The following RAD51B variants were observed in gnomAD, a reference collection of about 807,000 sequenced individuals.
RAD51B encodes RAD51 paralog B.
RAD51B carries 38 observed loss-of-function variants against 42.2 expected under a neutral mutation model. That is an observed-to-expected ratio of 0.90 (90% confidence interval 0.70 to 1.18). RAD51B has a LOEUF of 1.18. RAD51B is among the 50% of genes most tolerant of loss of function. The probability of loss-of-function intolerance (pLI) is 0.00; values close to 1 mark genes in which losing one functional copy is unlikely to be tolerated. For synonymous variants in RAD51B, 154 were observed against 145.2 expected, an observed-to-expected ratio of 1.06 and a Z score of -0.43; for missense variants, 373 against 400.7, an observed-to-expected ratio of 0.93 and a Z score of 0.59.
intron 5 of RAD51B, among the ~76,000 whole-genome samples, chr14:67,867,544 T>G (rs1208408275): frequency 6.6e-6 from 1 of 152,228 alleles, no homozygotes; most frequent in Non-Finnish European, 1.5e-5. Flanking sequence ...TGGATTTCCT[T>G]TTTGTTGCCT....
chr14:68,349,083 A>G (rs979156257), intron 8 of RAD51B, among the ~76,000 whole-genome samples: 6 of 152,230 alleles, frequency 3.9e-5, no homozygotes, highest in African/African-American at 1.4e-4. Flanking sequence ...AACTTTGTTT[A>G]TGAACACTGA....
exon 11 of RAD51B, chr14:68,595,688 G>A (rs1890964631): frequency 8.6e-6 from 8 of 931,408 alleles, no homozygotes; most frequent in Non-Finnish European, 1.1e-5. Context: ...TATGGTATTG[G>A]TTAAATTAAC....
intron 11 of RAD51B, among the ~76,000 whole-genome samples, chr14:68,659,023 A>G (rs927076702): frequency 6.6e-6 from 1 of 152,328 alleles, no homozygotes; most frequent in Middle Eastern, 3.4e-3. Flanking sequence ...TCTCTCCTCC[A>G]TAACATGCCA....
At chr14:68,653,294 A>G (rs1892738912) in intron 11 of RAD51B, among the ~76,000 whole-genome samples, 1 of 152,228 alleles carries the variant, frequency 6.6e-6, no homozygotes, top group Non-Finnish European at 1.5e-5. Context: ...TGGAGACTGT[A>G]GCGTACTATG....
At chr14:67,909,033 G>A (rs1318209241) in intron 7 of RAD51B, among the ~76,000 whole-genome samples, 2 of 152,084 alleles carry the variant, frequency 1.3e-5, no homozygotes, top group African/African-American at 2.4e-5. Context: ...TGCTCATATA[G>A]CTAATGGAAT....
chr14:68,118,806 CAT>C (rs149313875), intron 7 of RAD51B, among the ~76,000 whole-genome samples: 2,211 of 152,014 alleles, frequency 0.015, 50 homozygotes, highest in African/African-American at 0.048. Flanking sequence ...TGTGTGTGCA[CAT>C]GTGTGTGTGT....
chr14:68,433,266 C>T (rs1036644764), intron 9 of RAD51B, among the ~76,000 whole-genome samples: 7 of 152,142 alleles, frequency 4.6e-5, no homozygotes, highest in Non-Finnish European at 8.8e-5. Context: ...GTGGCGTTCT[C>T]TGTATTTCCT....
chr14:67,976,936 A>G (rs917728787), intron 7 of RAD51B, among the ~76,000 whole-genome samples: 4 of 152,228 alleles, frequency 2.6e-5, no homozygotes, highest in Admixed American at 6.5e-5. Context: ...AAAAGAAGAC[A>G]TTTATGGAGC....
intron 10 of RAD51B, among the ~76,000 whole-genome samples, chr14:68,543,786 A>G (rs1410620089): frequency 2.0e-5 from 3 of 152,236 alleles, no homozygotes; most frequent in Admixed American, 2.0e-4. Flanking sequence ...CAAAGCAAGT[A>G]GCACAATTCC....
intron 8 of RAD51B, among the ~76,000 whole-genome samples, chr14:68,340,423 A>G (rs1362184997): frequency 1.3e-5 from 2 of 152,150 alleles, no homozygotes; most frequent in Non-Finnish European, 2.9e-5. Context: ...AGAGACTGAG[A>G]GTTTGACACC....
intron 7 of RAD51B, among the ~76,000 whole-genome samples, chr14:68,239,059 C>T (rs1298112279): frequency 3.3e-5 from 5 of 152,144 alleles, no homozygotes; most frequent in South Asian, 2.1e-4. Context: ...GCATATAATG[C>T]GCTATACTGG....
At position 68,425,968 on chromosome 14, in the gene RAD51B, CT is replaced by C. The variant is rs1345737329; in HGVS notation, c.957+14444del. 1.1e-3 allele frequency among the ~76,000 whole-genome samples: 135 copies of C among 120,096 alleles called. 1 individual carries two copies. The East Asian group carries it at 0.024, about 22-fold the overall frequency. 78.8% of individuals were successfully genotyped at this position (120,096 alleles called of 152,430 possible). A position where few individuals can be genotyped will look rare whatever the true frequency, so the allele number is the denominator to read the frequency against. ...TCTTTCTTTCTTTCTTTCTTTCTTT[CT>C]TTCTTTCTTCCTTCCTTCCTTCCTT... On this transcript the variant is annotated intron_variant, in intron 9 of 10. Coordinates refer to ENST00000471583, the MANE Select transcript of RAD51B (RefSeq NM_133510.4).
intron 7 of RAD51B, among the ~76,000 whole-genome samples, chr14:68,141,753 C>G (rs1223516937): frequency 6.6e-6 from 1 of 152,072 alleles, no homozygotes; most frequent in East Asian, 1.9e-4. Flanking sequence ...GATCAAATTT[C>G]CTATGAAATG....
intron 3 of RAD51B, among the ~76,000 whole-genome samples, chr14:67,826,686 CTTTT>C (rs34773405): frequency 7.0e-6 from 1 of 142,464 alleles, no homozygotes; most frequent in African/African-American, 2.6e-5. Flanking sequence ...TATTTTCTTT[CTTTT>C]TTTTTTTTTT....
At chr14:68,031,234 C>T (rs116744111) in intron 7 of RAD51B, among the ~76,000 whole-genome samples, 76 of 152,198 alleles carry the variant, frequency 5.0e-4, no homozygotes, top group African/African-American at 1.8e-3. Flanking sequence ...AAAAAGAGAA[C>T]GGGGATCAAG....
chr14:68,226,699 G>A (rs182311991), intron 7 of RAD51B, among the ~76,000 whole-genome samples: 13 of 152,200 alleles, frequency 8.5e-5, no homozygotes, highest in East Asian at 5.8e-4. Flanking sequence ...CTTTATTAGC[G>A]CATGAGAACA....
chr14:68,359,725 G>A (rs1243916303), intron 8 of RAD51B, among the ~76,000 whole-genome samples: 1 of 152,222 alleles, frequency 6.6e-6, no homozygotes, highest in East Asian at 1.9e-4. Flanking sequence ...GTTGCTGAAA[G>A]TTGTGTGTTG....
At chr14:68,583,548 C>A (rs1199135365) in intron 10 of RAD51B, among the ~76,000 whole-genome samples, 1 of 152,208 alleles carries the variant, frequency 6.6e-6, no homozygotes, top group Non-Finnish European at 1.5e-5. Flanking sequence ...GAATTTAGAA[C>A]CCGTGGACCC....
intron 7 of RAD51B, among the ~76,000 whole-genome samples, chr14:68,029,115 A>G (rs2076001297): frequency 6.6e-6 from 1 of 152,210 alleles, no homozygotes; most frequent in African/African-American, 2.4e-5. Context: ...GGCTTTGGGT[A>G]GCTCACACAG....
Sources: gnomAD v4.1 joint callset for allele counts (sites outside exome capture counted in the v4.1 genomes callset) on GRCh38, gnomAD v4.1.1 for gene constraint, MANE v1.5 for transcripts, NCBI Gene and HGNC (gene_info 2026-07-23, HGNC 2026-07-21) for gene names.